Variants in FAAH2 observed in about 807,000 individuals in gnomAD.
FAAH2 encodes the protein fatty acid amide hydrolase 2, also known as fatty-acid amide hydrolase 2.
A neutral mutation model predicts 36.9 loss-of-function variants in FAAH2; 60 were observed. The observed-to-expected ratio is 1.63, with a 90% CI of 1.32 to 2.02. FAAH2 has a LOEUF of 2.02. Ranked by LOEUF, FAAH2 falls within the 30% of genes most tolerant of loss-of-function variation. The pLI, the probability that FAAH2 is intolerant of heterozygous loss-of-function variation, is 0.00. For synonymous variants in FAAH2, 214 were observed against 143.8 expected (o/e 1.49, Z -3.49); for missense variants, 689 against 397.5 (o/e 1.73, Z -6.23).
chrX:57,472,892 T>G (rs1023569677), intron 10 of FAAH2, among the ~76,000 whole-genome samples: 8 of 111,488 alleles, frequency 7.2e-5, no homozygotes, highest in African/African-American at 2.6e-4. Flanking sequence ...TTTCTGATTG[T>G]GCTTATTTGA....
chrX:57,420,195 G>A (rs4344218), intron 7 of FAAH2, among the ~76,000 whole-genome samples: 9 of 106,567 alleles, frequency 8.4e-5, no homozygotes, highest in South Asian at 4.2e-4. Context: ...TTGACTTGGC[G>A]ATGTGGGCTC....
At chrX:57,487,783 T>C (rs941477627) in intron 10 of FAAH2, among the ~76,000 whole-genome samples, 2 of 112,168 alleles carry the variant, frequency 1.8e-5, no homozygotes, top group Non-Finnish European at 1.9e-5. Context: ...TATGTATATA[T>C]ATGCTCAAGA....
At chrX:57,394,305 G>T in intron 7 of FAAH2, 3 of 979,411 alleles carry the variant, frequency 3.1e-6, no homozygotes, top group South Asian at 1.9e-5. Context: ...TCTCCCAGGG[G>T]TGTTGGAGTT....
intron 8 of FAAH2, among the ~76,000 whole-genome samples, chrX:57,435,518 T>C (rs1185531300): frequency 9.1e-6 from 1 of 109,700 alleles, no homozygotes; most frequent in African/African-American, 3.3e-5. Context: ...TTTATGGAAA[T>C]AGAAACTAAA....
At chrX:57,276,173 G>A in the FAAH2 span, among the ~76,000 whole-genome samples, 5 of 112,133 alleles carry the variant, frequency 4.5e-5, no homozygotes, top group Non-Finnish European at 9.4e-5. Context: ...ATAATTGGAA[G>A]TAAAGCACTC....
At chrX:57,467,828 C>T (rs1038505657) in intron 10 of FAAH2, among the ~76,000 whole-genome samples, 3 of 112,017 alleles carry the variant, frequency 2.7e-5, no homozygotes, top group African/African-American at 9.7e-5. Flanking sequence ...CTCCAAGTAG[C>T]CTAACTGAGA....
intron 7 of FAAH2, among the ~76,000 whole-genome samples, chrX:57,430,064 A>G (rs959513312): frequency 9.8e-5 from 11 of 111,682 alleles, no homozygotes; most frequent in African/African-American, 3.6e-4. Context: ...TGAAGGATGA[A>G]CAATTACTTA....
the FAAH2 span, among the ~76,000 whole-genome samples, chrX:57,239,640 G>GC: frequency 3.6e-5 from 4 of 110,931 alleles, no homozygotes. Flanking sequence ...TTTCCAAGTT[G>GC]CTTTTTGTCT....
At chrX:57,385,793 A>T (rs901779519) in intron 7 of FAAH2, among the ~76,000 whole-genome samples, 1 of 110,606 alleles carries the variant, frequency 9.0e-6, no homozygotes, top group African/African-American at 3.3e-5. Flanking sequence ...CTGTAGTCCC[A>T]GCTACTCGGG....
At chrX:57,271,134 C>G in the FAAH2 span, among the ~76,000 whole-genome samples, 2 of 112,309 alleles carry the variant, frequency 1.8e-5, no homozygotes, top group Non-Finnish European at 3.8e-5. Flanking sequence ...CTGGGACATT[C>G]AAGCTTGGTG....
chrX:57,187,852 G>A, the FAAH2 span, among the ~76,000 whole-genome samples: 1 of 111,593 alleles, frequency 9.0e-6, no homozygotes, highest in Non-Finnish European at 1.9e-5. Context: ...CTGTTTATGT[G>A]ATTGATTACG....
the FAAH2 span, among the ~76,000 whole-genome samples, chrX:57,174,881 A>G: frequency 7.1e-5 from 8 of 111,929 alleles, no homozygotes; most frequent in Admixed American, 3.8e-4. Context: ...ATACATTTGT[A>G]TAATTTTGAG....
the FAAH2 span, among the ~76,000 whole-genome samples, chrX:57,161,538 G>C: frequency 9.0e-6 from 1 of 111,572 alleles, no homozygotes; most frequent in Non-Finnish European, 1.9e-5. Flanking sequence ...ATGAATCTGG[G>C]TGTGCCTGTA....
intron 4 of FAAH2, among the ~76,000 whole-genome samples, chrX:57,335,056 A>T (rs2053509088): frequency 8.9e-6 from 1 of 112,167 alleles, no homozygotes. Context: ...CATTCTTTTC[A>T]TCATCACATA....
At chrX:57,432,097 A>T (rs754977588) in intron 8 of FAAH2, 60 bp downstream of exon 8, 1 of 1,003,432 alleles carries the variant, frequency 1.0e-6, no homozygotes, top group East Asian at 3.3e-5. Flanking sequence ...TTGAGCTTCT[A>T]TTGTGGTCCA....
rs761907195 is a variant in FAAH2 at position 57,286,901 on chromosome X, C to T, written c.76C>T (p.Arg26Ter). The change falls in exon 1 of 11, where the codon CGA becomes TGA. Residue 26 changes from arginine (R) to a stop codon, truncating the protein, a stop_gained. Transcript: ENST00000374900. LOFTEE classifies it high-confidence loss of function. Reference sequence around the variant, plus strand: ...AGGCTTTCTCATAGGCTTAGTAGGCCGAGCAGCTTTAGTCTTAGGGGGTCC... The same window carrying T: ...AGGCTTTCTCATAGGCTTAGTAGGCTGAGCAGCTTTAGTCTTAGGGGGTCC... ...ALGFLIGLVG[R>*]AALVLGGPKF... is the part of the protein sequence containing the mutation. 15 of 1,202,687 alleles carry T rather than the reference C, an allele frequency of 1.2e-5. No homozygotes were observed. In the East Asian group the frequency reaches 4.2e-4, roughly 34 times the overall value.
chrX:57,236,497 C>T, the FAAH2 span, among the ~76,000 whole-genome samples: 2 of 112,000 alleles, frequency 1.8e-5, no homozygotes, highest in African/African-American at 3.2e-5. Context: ...TCCTTGACAG[C>T]ATTTGATATT....
chrX:57,421,145 A>G (rs1426074246), intron 7 of FAAH2, among the ~76,000 whole-genome samples: 1 of 112,382 alleles, frequency 8.9e-6, no homozygotes, highest in East Asian at 2.8e-4. Context: ...TATTATCAAG[A>G]AGCCACAAAG....
In FAAH2 at chrX:57,372,026, CT is replaced by C. The variant is rs201508257; in HGVS notation, c.743-6618del. Among the ~76,000 whole-genome samples, 624 of 111,345 alleles carry C rather than the reference CT, an allele frequency of 5.6e-3. 2 individuals are homozygous for C. The highest frequency in any genetic ancestry group is 0.015 in the African/African-American group (476 of 30,734). On this transcript the variant is annotated intron_variant, in intron 5 of 10. Coordinates refer to ENST00000374900, the MANE Select transcript of FAAH2 (RefSeq NM_174912.4). ...AATATTCCATTGTGTATATGTATCA[CT>C]TTTTTTATACAATCCACAGTTGATG...
Sources: gnomAD v4.1 joint callset for allele counts (sites outside exome capture counted in the v4.1 genomes callset) on GRCh38, gnomAD v4.1.1 for gene constraint, MANE v1.5 for transcripts, NCBI Gene and HGNC (gene_info 2026-07-23, HGNC 2026-07-21) for gene names.